Variants in DOCK4 observed in about 807,000 individuals in gnomAD.
The protein encoded by DOCK4 is dedicator of cytokinesis protein 4.
A neutral mutation model predicts 268.1 loss-of-function variants in DOCK4; 97 were observed. The ratio of observed to expected loss-of-function variants is 0.36; its 90% CI spans 0.31 to 0.43. DOCK4 has a LOEUF of 0.43. Among genes scored for constraint, DOCK4 ranks in the 20% least tolerant of loss-of-function variants. The probability of loss-of-function intolerance (pLI) is 1.00; values close to 1 mark genes in which losing one functional copy is unlikely to be tolerated. For missense variants in DOCK4, 2,145 were observed against 2,455.7 expected (o/e 0.87, Z 2.67); for synonymous variants, 954 against 887.2 (o/e 1.08, Z -1.34).
At chr7:111,788,810 T>C in intron 31 of DOCK4, 63 bp from the exon 32 acceptor site, 1 of 1,371,360 alleles carries the variant, frequency 7.3e-7, no homozygotes, top group Non-Finnish European at 1.0e-6. Flanking sequence ...CTAGGCAAGT[T>C]AAAACGTATT....
intron 39 of DOCK4, 119 bp from the exon 40 acceptor site, chr7:111,760,441 A>C: frequency 9.4e-7 from 1 of 1,058,702 alleles, no homozygotes; most frequent in Non-Finnish European, 1.4e-6. Context: ...CACTATAACA[A>C]AAATTACGCT....
At chr7:112,043,573 G>T (rs1804585918) in intron 1 of DOCK4, among the ~76,000 whole-genome samples, 2 of 151,958 alleles carry the variant, frequency 1.3e-5, no homozygotes, top group African/African-American at 4.8e-5. Context: ...AATGAAAAAG[G>T]CAGATAAGCC....
At position 111,809,319 on chromosome 7, in the gene DOCK4, T is replaced by A. The variant is rs940348018; in HGVS notation, c.3089A>T (p.Lys1030Met). 12 of 1,560,326 alleles carry A rather than the reference T, an allele frequency of 7.7e-6. No individual in the cohort carries two copies. The highest frequency in any genetic ancestry group is 1.0e-5 in the Non-Finnish European group (12 of 1,150,594). ...LQLEMFTPSKKKKVLEKYGDM... is the reference protein window; with the variant it reads ...LQLEMFTPSKMKKVLEKYGDM... Reference sequence around the variant, plus strand: ...TACTTACTTTTCTAACACCTTTTTCTTCTTGGAAGGTGTGAACATCTCCAA... The same window carrying A: ...TACTTACTTTTCTAACACCTTTTTCATCTTGGAAGGTGTGAACATCTCCAA... The change falls in exon 29 of 53, where the codon AAG (lysine) becomes ATG (methionine). Residue 1030 changes from lysine (K) to methionine (M), a missense_variant. Lys to Met is a moderately conservative substitution (Grantham distance 95, BLOSUM62 -1). This residue lies in a region of DOCK4 where 1,598 missense variants were observed against 1,986.7 expected (regional missense o/e 0.80). Coordinates refer to ENST00000428084, the MANE Select transcript of DOCK4 (RefSeq NM_001363540.2).
At chr7:111,853,589 T>C (rs1051792391) in intron 23 of DOCK4, among the ~76,000 whole-genome samples, 1 of 152,168 alleles carries the variant, frequency 6.6e-6, no homozygotes, top group African/African-American at 2.4e-5. Context: ...GCAGATTCAG[T>C]GGGCTACGTT....
chr7:111,763,931 T>C (rs1294390884), intron 39 of DOCK4, among the ~76,000 whole-genome samples: 1 of 152,244 alleles, frequency 6.6e-6, no homozygotes. Context: ...GCTCAAGTGA[T>C]ACTCCTATCT....
intron 1 of DOCK4, among the ~76,000 whole-genome samples, chr7:112,146,772 T>C (rs1318284986): frequency 1.3e-5 from 2 of 152,078 alleles, no homozygotes; most frequent in African/African-American, 2.4e-5. Flanking sequence ...TTTACAGAGA[T>C]CTAGGAGGCT....
In DOCK4 at chr7:111,728,476, G is replaced by A. The variant is rs1794816970; in HGVS notation, c.5726C>T (p.Pro1909Leu). The A allele has an allele frequency of 1.9e-6, 3 of 1,611,980 alleles. No individual in the cohort carries two copies. The highest frequency in any genetic ancestry group is 1.7e-6 in the Non-Finnish European group (2 of 1,179,228). Reference sequence around the variant, plus strand: ...CCGCTCGTAGACGCTGTACGGGGGCGGAGTCTTGCTCTCCTTGCGCACTGG... The same window carrying A: ...CCGCTCGTAGACGCTGTACGGGGGCAGAGTCTTGCTCTCCTTGCGCACTGG... ...EEPVRKESKT[P>L]PPYSVYERTL... The change falls in exon 53 of 53, where the codon CCG becomes CTG. Residue 1909 changes from proline to leucine, a missense_variant. Pro to Leu is a moderately conservative substitution (Grantham distance 98). This residue lies in a region of DOCK4 where 547 missense variants were observed against 469.0 expected (regional missense o/e 1.17). Transcript: ENST00000428084.
intron 8 of DOCK4, among the ~76,000 whole-genome samples, chr7:111,961,264 C>T (rs577427601): frequency 1.1e-4 from 16 of 152,258 alleles, no homozygotes; most frequent in African/African-American, 3.1e-4. Context: ...CTTCATCTTC[C>T]GCATTAATAA....
intron 1 of DOCK4, among the ~76,000 whole-genome samples, chr7:112,159,213 A>T (rs888018471): frequency 2.0e-5 from 3 of 151,966 alleles, no homozygotes; most frequent in Non-Finnish European, 4.4e-5. Flanking sequence ...CCCTACCACC[A>T]TCTCATTACT....
At chr7:111,882,888 C>T (rs1201382205) in intron 16 of DOCK4, among the ~76,000 whole-genome samples, 1 of 152,106 alleles carries the variant, frequency 6.6e-6, no homozygotes, top group Non-Finnish European at 1.5e-5. Flanking sequence ...GGATTACAGG[C>T]GTGAGCCACC....
intron 1 of DOCK4, among the ~76,000 whole-genome samples, chr7:112,080,436 C>T (rs1808476282): frequency 1.3e-5 from 2 of 152,172 alleles, no homozygotes; most frequent in Admixed American, 1.3e-4. Context: ...TTTTGAGCTT[C>T]CTTTTTCATG....
intron 37 of DOCK4, 81 bp downstream of exon 37, chr7:111,769,448 T>C: frequency 6.5e-7 from 1 of 1,544,402 alleles, no homozygotes; most frequent in African/African-American, 1.4e-5. Context: ...GAGGTGGGCA[T>C]TCATAAACTA....
chr7:112,109,156 T>C (rs1436777981), intron 1 of DOCK4, among the ~76,000 whole-genome samples: 3 of 152,186 alleles, frequency 2.0e-5, no homozygotes, highest in Admixed American at 2.0e-4. Context: ...CCAGTTGGCA[T>C]GGCCAGGGGC....
chr7:111,920,418 A>G (rs1464984435), intron 12 of DOCK4, among the ~76,000 whole-genome samples: 1 of 152,200 alleles, frequency 6.6e-6, no homozygotes, highest in Non-Finnish European at 1.5e-5. Context: ...TTAATTGTCA[A>G]TTATACCTTA....
At chr7:112,181,838 GACATAT>G (rs1417935159) in intron 1 of DOCK4, among the ~76,000 whole-genome samples, 4 of 152,062 alleles carry the variant, frequency 2.6e-5, no homozygotes, top group Non-Finnish European at 4.4e-5. Context: ...GTTTTCAGTG[GACATAT>G]ACAACCTCCT....
At chr7:112,204,882 A>C (rs1434962752) in intron 1 of DOCK4, among the ~76,000 whole-genome samples, 8 of 149,912 alleles carry the variant, frequency 5.3e-5, no homozygotes, top group African/African-American at 2.0e-4. Flanking sequence ...TCAATTTTAA[A>C]ACACACACAC....
chr7:111,829,987 G>C (rs967140223), intron 26 of DOCK4, among the ~76,000 whole-genome samples: 13 of 152,228 alleles, frequency 8.5e-5, no homozygotes, highest in African/African-American at 2.9e-4. Flanking sequence ...TCTGATTTCT[G>C]AAGTAAAATT....
chr7:112,059,192 G>GAGT (rs1563043572), intron 1 of DOCK4, among the ~76,000 whole-genome samples: 1 of 127,038 alleles, frequency 7.9e-6, no homozygotes, highest in Non-Finnish European at 1.5e-5. Flanking sequence ...GCCCAGGCCA[G>GAGT]AGTGCAGTGG....
chr7:111,994,977 G>A (rs1438781492), intron 4 of DOCK4, among the ~76,000 whole-genome samples: 1 of 151,562 alleles, frequency 6.6e-6, no homozygotes, highest in African/African-American at 2.4e-5. Context: ...GGTGTGTATG[G>A]TGGTCCTGAA....
Sources: allele counts gnomAD v4.1 joint callset (sites outside exome capture counted in the v4.1 genomes callset), GRCh38; gene constraint gnomAD v4.1.1; regional missense constraint gnomAD v4.1.1; transcripts MANE v1.5; gene names NCBI Gene and HGNC (gene_info 2026-07-23, HGNC 2026-07-21).